Variants in KIF27 observed in about 807,000 individuals in gnomAD.
KIF27 encodes kinesin family member 27, also known as kinesin-like protein KIF27.
In KIF27, 84 loss-of-function variants were observed where a neutral mutation model predicts 141.8. That is an observed-to-expected ratio of 0.59 (90% CI 0.50 to 0.71). The LOEUF is 0.71. Ranked by LOEUF, KIF27 falls within the 30% of genes least tolerant of loss-of-function variation. KIF27 has a pLI of 0.00. For synonymous variants in KIF27, 471 were observed against 569.5 expected (o/e 0.83, Z 2.46); for missense variants, 1,306 against 1,628.4 (o/e 0.80, Z 3.41).
intron 2 of KIF27, among the ~76,000 whole-genome samples, chr9:83,914,744 A>C (rs966114258): frequency 2.0e-5 from 3 of 152,164 alleles, no homozygotes; most frequent in Non-Finnish European, 2.9e-5. Flanking sequence ...ATTACCAGAC[A>C]CTTAACTAAA....
chr9:83,856,656 G>A (rs1177284768), intron 14 of KIF27, among the ~76,000 whole-genome samples: 3 of 150,582 alleles, frequency 2.0e-5, no homozygotes, highest in Non-Finnish European at 4.4e-5. Flanking sequence ...CAGGGGAATC[G>A]CTTGAACCAG....
At chr9:83,869,747 G>A (rs956541714) in intron 12 of KIF27, among the ~76,000 whole-genome samples, 1 of 151,882 alleles carries the variant, frequency 6.6e-6, no homozygotes, top group African/African-American at 2.4e-5. Flanking sequence ...AAATATACTC[G>A]TCTTCATGAG....
At chr9:83,918,402 C>G (rs987401461) in intron 1 of KIF27, among the ~76,000 whole-genome samples, 33 of 151,248 alleles carry the variant, frequency 2.2e-4, no homozygotes, top group Non-Finnish European at 4.4e-5. Context: ...CTTTGTGCCT[C>G]GAAGGAAACT....
intron 11 of KIF27, among the ~76,000 whole-genome samples, chr9:83,873,208 A>G (rs1950936736): frequency 6.6e-6 from 1 of 152,200 alleles, no homozygotes; most frequent in Non-Finnish European, 1.5e-5. Context: ...TTTCATCATC[A>G]GGGGCCAGCA....
chr9:83,883,617 G>T (rs185700889), intron 10 of KIF27, among the ~76,000 whole-genome samples, 196 bp downstream of exon 10: 135 of 152,206 alleles, frequency 8.9e-4, no homozygotes, highest in Non-Finnish European at 1.3e-3. Context: ...ATTGAAAGAA[G>T]ATACTTCTTG....
rs539279708 is a variant in KIF27, at chr9:83,903,339, C to T, written c.1179G>A (p.Arg393=). ...CTACTTGCTCCTCAAGAGAATGAATCCTATTTGTATCAGGACTCCCTTCTC... is the reference window on the plus strand; with the variant it reads ...CTACTTGCTCCTCAAGAGAATGAATTCTATTTGTATCAGGACTCCCTTCTC... ...INREGSPDTN[R]IHSLEEQVAQ... Residue 393 remains arginine (R), a synonymous_variant, in exon 4 of 18, where the codon AGG becomes AGA. Coordinates refer to ENST00000297814, the MANE Select transcript of KIF27 (RefSeq NM_017576.4). The T allele has an allele frequency of 9.3e-6, 15 of 1,614,192 alleles. No individual in the cohort carries two copies. The highest frequency in any genetic ancestry group is 4.5e-5 in the East Asian group (2 of 44,880).
chr9:83,910,067 ATACATACATACATACATACG>A (rs1954986834), intron 2 of KIF27, among the ~76,000 whole-genome samples: 1 of 151,708 alleles, frequency 6.6e-6, no homozygotes, highest in African/African-American at 2.4e-5. Flanking sequence ...ACATACATAC[ATACATACATACATACATACG>A]TACGTACTTA....
chr9:83,898,604 C>T (rs1398057099), intron 5 of KIF27: 1 of 152,140 alleles, frequency 6.6e-6, no homozygotes, highest in African/African-American at 2.4e-5. Context: ...TGTGATAAAT[C>T]ACTGATTAAT....
At chr9:83,862,684 T>TA (rs1418860544) in intron 13 of KIF27, among the ~76,000 whole-genome samples, 1 of 152,288 alleles carries the variant, frequency 6.6e-6, no homozygotes, top group South Asian at 2.1e-4. Flanking sequence ...ATATGAACTT[T>TA]AAAGTAGTTT....
At chr9:83,876,909 A>G (rs12005415) in intron 11 of KIF27, among the ~76,000 whole-genome samples, 4 of 152,122 alleles carry the variant, frequency 2.6e-5, no homozygotes, top group Non-Finnish European at 5.9e-5. Flanking sequence ...GACACTGTCT[A>G]TAAAAAGTAG....
chr9:83,900,920 TA>T (rs939092920), intron 4 of KIF27, among the ~76,000 whole-genome samples: 1 of 152,014 alleles, frequency 6.6e-6, no homozygotes, highest in African/African-American at 2.4e-5. Context: ...AAAAAAGATT[TA>T]AAAAGTATTA....
intron 16 of KIF27, among the ~76,000 whole-genome samples, chr9:83,843,874 C>T (rs779965634): frequency 6.6e-6 from 1 of 152,096 alleles, no homozygotes; most frequent in Non-Finnish European, 1.5e-5. Context: ...AGGCACATGC[C>T]ACCATGCCTG....
At position 83,908,605 on chromosome 9, in the gene KIF27, C is replaced by A; in HGVS notation, c.346G>T (p.Glu116Ter). ...QKGIIPRAIQEIFQSISEHPS... is the reference protein window; with the variant it reads ...QKGIIPRAIQ ...TGTTCAGAGATGCTTTGAAATATTTCTTGAATAGCTCGAGGAATGATACCC... is the reference window on the plus strand; with the variant it reads ...TGTTCAGAGATGCTTTGAAATATTTATTGAATAGCTCGAGGAATGATACCC... The change falls in exon 3 of 18, where the codon GAA (glutamate) becomes TAA (stop). Residue 116 changes from glutamate to a stop codon, truncating the protein, a stop_gained. Coordinates refer to ENST00000297814, the MANE Select transcript of KIF27 (RefSeq NM_017576.4). LOFTEE classifies it high-confidence loss of function. 1 of 1,612,608 alleles carries A rather than the reference C, an allele frequency of 6.2e-7. No homozygotes were observed. Among genetic ancestry groups the A allele is most frequent in the Non-Finnish European group, 8.5e-7 (1 of 1,179,218 alleles).
At chr9:83,891,731 T>C (rs923560203) in intron 5 of KIF27, among the ~76,000 whole-genome samples, 1 of 152,080 alleles carries the variant, frequency 6.6e-6, no homozygotes, top group African/African-American at 2.4e-5. Context: ...AAGTCAAAAG[T>C]CAAATACTCA....
At chr9:83,868,591 G>C (rs1456312466) in intron 12 of KIF27, 1 of 152,124 alleles carries the variant, frequency 6.6e-6, no homozygotes, top group East Asian at 1.9e-4. Flanking sequence ...CATAAATATA[G>C]ATGGAATATG....
At chr9:83,851,398 T>A (rs980088805) in intron 15 of KIF27, among the ~76,000 whole-genome samples, 1 of 151,756 alleles carries the variant, frequency 6.6e-6, no homozygotes, top group Non-Finnish European at 1.5e-5. Context: ...TCACCTCAGG[T>A]TGGAGTGCAG....
At chr9:83,911,477 C>G (rs1217557437) in intron 2 of KIF27, among the ~76,000 whole-genome samples, 1 of 152,074 alleles carries the variant, frequency 6.6e-6, no homozygotes, top group Non-Finnish European at 1.5e-5. Context: ...GATCCACCCG[C>G]CTCGACCTCC....
chr9:83,877,421 C>G (rs1951290243), intron 11 of KIF27, among the ~76,000 whole-genome samples: 1 of 152,166 alleles, frequency 6.6e-6, no homozygotes, highest in African/African-American at 2.4e-5. Flanking sequence ...AAAGAACAGT[C>G]TCTTCAACAG....
chr9:83,873,748 G>A (rs1950981943), intron 11 of KIF27, among the ~76,000 whole-genome samples: 1 of 152,156 alleles, frequency 6.6e-6, no homozygotes, highest in African/African-American at 2.4e-5. Flanking sequence ...TCTCTACGTA[G>A]TATTTCTGTT....
Sources: allele counts gnomAD v4.1 joint callset (sites outside exome capture counted in the v4.1 genomes callset), GRCh38; gene constraint gnomAD v4.1.1; transcripts MANE v1.5; gene names NCBI Gene and HGNC (gene_info 2026-07-23, HGNC 2026-07-21).